Variants in CCDC91 observed in about 807,000 individuals in gnomAD.
CCDC91 encodes the protein coiled-coil domain-containing protein 91.
In CCDC91, 48 loss-of-function variants were observed where a neutral mutation model predicts 63.2. That is an observed-to-expected ratio of 0.76 (90% CI 0.60 to 0.97). The LOEUF is 0.97. Ranked by LOEUF, CCDC91 falls within the 50% of genes least tolerant of loss-of-function variation. The pLI, the probability that CCDC91 is intolerant of heterozygous loss-of-function variation, is 0.00. For synonymous variants in CCDC91, 167 were observed against 165.8 expected, an observed-to-expected ratio of 1.01 and a Z score of -0.06; for missense variants, 500 against 494.6, an observed-to-expected ratio of 1.01 and a Z score of -0.10.
intron 6 of CCDC91, among the ~76,000 whole-genome samples, chr12:28,329,878 T>C (rs547885409): frequency 3.9e-5 from 6 of 152,300 alleles, no homozygotes; most frequent in African/African-American, 1.4e-4. Flanking sequence ...TGATTTTCTG[T>C]CCTTGTGATA....
chr12:28,412,379 G>A (rs182821714), intron 8 of CCDC91, among the ~76,000 whole-genome samples: 2 of 152,310 alleles, frequency 1.3e-5, no homozygotes, highest in Non-Finnish European at 2.9e-5. Flanking sequence ...TTGAGTTGAA[G>A]GCAGTTAAGA....
chr12:28,505,746 G>C (rs1338897538), intron 12 of CCDC91, among the ~76,000 whole-genome samples: 1 of 151,914 alleles, frequency 6.6e-6, no homozygotes, highest in Non-Finnish European at 1.5e-5. Context: ...TATCTGAAAA[G>C]ATTCTTATTT....
chr12:28,266,284 G>A (rs866122009), intron 3 of CCDC91, among the ~76,000 whole-genome samples: 1 of 151,968 alleles, frequency 6.6e-6, no homozygotes, highest in African/African-American at 2.4e-5. Flanking sequence ...CCGTGTTGTG[G>A]AGTGAGGATT....
rs572866917 is a variant in CCDC91, at chr12:28,377,138, T to C, written c.655-14166T>C. Among the ~76,000 whole-genome samples the C allele has an allele frequency of 1.4e-4, 21 of 151,422 alleles. No individual in the cohort carries two copies. In the South Asian group the frequency reaches 3.5e-3, roughly 26 times the overall value. ...CCCCCTATTTTTTTTTTTTTTAATATCGTGTTTACTTAAAGATAGATCAGT... is the reference window on the plus strand; with the variant it reads ...CCCCCTATTTTTTTTTTTTTTAATACCGTGTTTACTTAAAGATAGATCAGT... On this transcript the variant is annotated intron_variant, in intron 7 of 12. Transcript: ENST00000536442.
At chr12:28,333,596 C>T (rs1941688189) in intron 6 of CCDC91, among the ~76,000 whole-genome samples, 1 of 152,052 alleles carries the variant, frequency 6.6e-6, no homozygotes, top group African/African-American at 2.4e-5. Context: ...GTTCATGTCT[C>T]ATCTTTTGCT....
At chr12:28,287,978 T>C (rs1292352742) in intron 3 of CCDC91, among the ~76,000 whole-genome samples, 7 of 152,180 alleles carry the variant, frequency 4.6e-5, no homozygotes. Flanking sequence ...TGAATGAGAT[T>C]ATGTTCCTAA....
intron 8 of CCDC91, among the ~76,000 whole-genome samples, chr12:28,412,220 A>T (rs1005589375): frequency 5.3e-5 from 8 of 152,210 alleles, no homozygotes; most frequent in Non-Finnish European, 7.3e-5. Flanking sequence ...GCCTAATATC[A>T]CATTTCTCTG....
chr12:28,430,092 A>T (rs182418027), intron 8 of CCDC91, among the ~76,000 whole-genome samples: 1 of 152,158 alleles, frequency 6.6e-6, no homozygotes, highest in East Asian at 1.9e-4. Flanking sequence ...TTTTAATACT[A>T]TTACAAATAT....
chr12:28,206,900 A>G (rs1250673020), intron 1 of CCDC91, among the ~76,000 whole-genome samples: 1 of 152,234 alleles, frequency 6.6e-6, no homozygotes, highest in Non-Finnish European at 1.5e-5. Context: ...CCTTCCAGGG[A>G]AGTGAAGGCC....
At chr12:28,398,380 C>T (rs1946415342) in intron 8 of CCDC91, among the ~76,000 whole-genome samples, 1 of 151,942 alleles carries the variant, frequency 6.6e-6, no homozygotes, top group Non-Finnish European at 1.5e-5. Context: ...CCTTTGATTG[C>T]TAAGTAGTAT....
At chr12:28,430,624 C>A (rs1948576459) in intron 8 of CCDC91, among the ~76,000 whole-genome samples, 1 of 152,086 alleles carries the variant, frequency 6.6e-6, no homozygotes, top group African/African-American at 2.4e-5. Context: ...ACCTTCATTA[C>A]AGAATTGATA....
At chr12:28,238,479 G>A (rs1456287918) in intron 1 of CCDC91, among the ~76,000 whole-genome samples, 1 of 152,106 alleles carries the variant, frequency 6.6e-6, no homozygotes, top group Admixed American at 6.5e-5. Context: ...AGAAATGTGA[G>A]TTACTAGAGC....
At chr12:28,400,974 C>G (rs1946586007) in intron 8 of CCDC91, among the ~76,000 whole-genome samples, 1 of 152,154 alleles carries the variant, frequency 6.6e-6, no homozygotes, top group Non-Finnish European at 1.5e-5. Context: ...CCTGAGTCCT[C>G]TAAGCCTTTA....
At chr12:28,366,627 G>C (rs1052387291) in intron 7 of CCDC91, among the ~76,000 whole-genome samples, 11 of 152,166 alleles carry the variant, frequency 7.2e-5, no homozygotes, top group African/African-American at 2.7e-4. Context: ...TCCTACGAGT[G>C]TCGGGATAGG....
At chr12:28,258,148 T>A (rs1446056364) in intron 2 of CCDC91, among the ~76,000 whole-genome samples, 1 of 152,024 alleles carries the variant, frequency 6.6e-6, no homozygotes, top group African/African-American at 2.4e-5. Context: ...AGTATAGACA[T>A]ACCTGTTTTC....
At chr12:28,525,890 TTA>T (rs1941214373) in intron 12 of CCDC91, among the ~76,000 whole-genome samples, 1 of 152,164 alleles carries the variant, frequency 6.6e-6, no homozygotes. Flanking sequence ...AAAGTTTGTT[TTA>T]TGTGATATAG....
chr12:28,195,005 T>A (rs1450905966), intron 1 of CCDC91, among the ~76,000 whole-genome samples: 4 of 152,174 alleles, frequency 2.6e-5, no homozygotes, highest in African/African-American at 9.7e-5. Flanking sequence ...AGAACAAAGC[T>A]TCCACAGCAT....
intron 7 of CCDC91, among the ~76,000 whole-genome samples, chr12:28,376,735 C>T (rs575021082): frequency 5.9e-5 from 9 of 151,772 alleles, no homozygotes; most frequent in East Asian, 1.9e-4. Flanking sequence ...GAACTTTCTC[C>T]GTATACATCT....
At chr12:28,276,976 C>T (rs190359596) in intron 3 of CCDC91, among the ~76,000 whole-genome samples, 9 of 151,884 alleles carry the variant, frequency 5.9e-5, no homozygotes, top group Admixed American at 1.3e-4. Context: ...CTAAGACTTA[C>T]GGGAAATGAA....
Sources: gnomAD v4.1 joint callset for allele counts (sites outside exome capture counted in the v4.1 genomes callset) on GRCh38, gnomAD v4.1.1 for gene constraint, MANE v1.5 for transcripts, NCBI Gene and HGNC (gene_info 2026-07-23, HGNC 2026-07-21) for gene names.